The following IP6K3 variants were observed in gnomAD, a reference collection of about 807,000 sequenced individuals.
The protein encoded by IP6K3 is ATP:1D-myo-inositol-hexakisphosphate phosphotransferase.
Under a neutral mutation model 28.8 loss-of-function variants are expected in IP6K3, and 20 were observed. The ratio of observed to expected loss-of-function variants is 0.70; its 90% CI spans 0.49 to 1.01. The LOEUF is 1.01. IP6K3 is among the 50% of genes least tolerant of loss of function. IP6K3 has a pLI of 0.00. For missense variants in IP6K3, 480 were observed against 537.1 expected (o/e 0.89, Z 1.05); for synonymous variants, 213 against 221.3 (o/e 0.96, Z 0.33).
intron 1 of IP6K3, among the ~76,000 whole-genome samples, chr6:33,738,260 C>A (rs978026311): frequency 2.6e-5 from 4 of 152,074 alleles, no homozygotes; most frequent in Non-Finnish European, 5.9e-5. Context: ...ACTTGTATCC[C>A]CAGGGCTGGC....
chr6:33,747,987 CA>C (rs1171969544), upstream of IP6K3, among the ~76,000 whole-genome samples: 4 of 152,024 alleles, frequency 2.6e-5, no homozygotes, highest in Non-Finnish European at 5.9e-5. The surrounding 1 kb of genome is among the most constrained non-coding windows in gnomAD (Gnocchi z 5.2). Flanking sequence ...CAGGGTTCAT[CA>C]GGGGACAGGC....
At chr6:33,751,903 G>A (rs1767028102), upstream of IP6K3, among the ~76,000 whole-genome samples, 1 of 152,206 alleles carries the variant, frequency 6.6e-6, no homozygotes, top group African/African-American at 2.4e-5. The surrounding 1 kb of genome is among the most constrained non-coding windows in gnomAD (Gnocchi z 4.3). Flanking sequence ...GGGAGGAGAT[G>A]ACTGCCCCTG....
chr6:33,756,055 G>A, the IP6K3 span, among the ~76,000 whole-genome samples: 1 of 152,056 alleles, frequency 6.6e-6, no homozygotes, highest in Non-Finnish European at 1.5e-5. Flanking sequence ...GTAGAGACAG[G>A]GTTTTGCCAT....
At chr6:33,735,745 C>A in intron 1 of IP6K3, 90 bp from the exon 2 acceptor site, 1 of 604,060 alleles carries the variant, frequency 1.7e-6, no homozygotes, top group Non-Finnish European at 2.8e-6. Flanking sequence ...CAGCCTCGAC[C>A]CCAGAACAGG....
Position 33,722,841 on chromosome 6 carries a change from G to A in IP6K3, c.1112C>T (p.Ala371Val). ...TKVDIRMIDF[A>V]HTTYKGYWNE... ...CCAGTAGCCCTTGTATGTGGTATGAGCAAAGTCAATCATGCGGATGTCAAC... is the reference window on the plus strand; with the variant it reads ...CCAGTAGCCCTTGTATGTGGTATGAACAAAGTCAATCATGCGGATGTCAAC... The change falls in exon 6 of 6, where the codon GCT becomes GTT. Residue 371 changes from alanine (A) to valine (V), a missense_variant. Ala to Val is a moderately conservative substitution (Grantham distance 64). Transcript: ENST00000293756. 1 of 1,613,084 alleles carries A rather than the reference G, an allele frequency of 6.2e-7. No individual in the cohort carries two copies. Among genetic ancestry groups the A allele is most frequent in the South Asian group, 1.1e-5 (1 of 91,078 alleles).
upstream of IP6K3, among the ~76,000 whole-genome samples, chr6:33,750,487 C>T (rs77306957): frequency 4.6e-3 from 706 of 152,318 alleles, 8 homozygotes; most frequent in African/African-American, 0.016. This position sits in a 1 kb window ranked among gnomAD's most constrained non-coding sequence, Gnocchi z 4.3. Flanking sequence ...CCCTTTCTGA[C>T]ACAGTCCACC....
At chr6:33,749,634 G>A (rs1490845378), upstream of IP6K3, among the ~76,000 whole-genome samples, 3 of 143,700 alleles carry the variant, frequency 2.1e-5, no homozygotes, top group Non-Finnish European at 3.0e-5. Flanking sequence ...TCTGCAGGCC[G>A]TGTGTGTGTG....
rs372531307 is a variant in IP6K3 at position 33,728,320 on chromosome 6, G to A, written c.200-20C>T. Reference sequence around the variant, plus strand: ...CGGTACCTGCAAACACACAGGGAAGGGGAGGGGAGGAGCCAGTTGAGAGAG... The same window carrying A: ...CGGTACCTGCAAACACACAGGGAAGAGGAGGGGAGGAGCCAGTTGAGAGAG... On this transcript the variant is annotated intron_variant, in intron 2 of 5. Transcript: ENST00000293756. 2.9e-4 allele frequency: 469 copies of A among 1,611,880 alleles called. No homozygotes were observed. The highest frequency in any genetic ancestry group is 1.1e-3 in the South Asian group (98 of 91,042).
intron 4 of IP6K3, 60 bp downstream of exon 4, chr6:33,726,671 C>T: frequency 6.7e-7 from 1 of 1,487,302 alleles, no homozygotes; most frequent in Non-Finnish European, 9.1e-7. Context: ...ACCTCTGCCC[C>T]TCTGTGTCTC....
intron 1 of IP6K3, among the ~76,000 whole-genome samples, chr6:33,741,115 C>T (rs1001554382): frequency 1.3e-5 from 2 of 152,322 alleles, no homozygotes; most frequent in South Asian, 4.1e-4. Flanking sequence ...ATGTTCCCCC[C>T]ATTCTCTTTC....
the IP6K3 span, among the ~76,000 whole-genome samples, chr6:33,759,030 G>A: frequency 1.3e-5 from 2 of 152,238 alleles, no homozygotes; most frequent in African/African-American, 4.8e-5. Context: ...TAAGTACAGA[G>A]GCAGGATGGG....
chr6:33,734,190 C>T (rs1012953286), intron 2 of IP6K3, among the ~76,000 whole-genome samples: 8 of 120,424 alleles, frequency 6.6e-5, no homozygotes, highest in Admixed American at 4.0e-4. Context: ...GCAACAAGAC[C>T]GAAACTCCGT....
chr6:33,727,341 G>A (rs1329356008), intron 3 of IP6K3, among the ~76,000 whole-genome samples: 2 of 152,202 alleles, frequency 1.3e-5, no homozygotes, highest in African/African-American at 2.4e-5. Flanking sequence ...TGGGGTGGGA[G>A]CTGTGGTGAG....
intron 4 of IP6K3, among the ~76,000 whole-genome samples, chr6:33,726,204 G>A (rs1340585562): frequency 6.6e-6 from 1 of 152,192 alleles, no homozygotes; most frequent in African/African-American, 2.4e-5. Flanking sequence ...AAACTCTGTA[G>A]GGGAGGGGGA....
intron 1 of IP6K3, among the ~76,000 whole-genome samples, chr6:33,740,196 T>C (rs1056176701): frequency 3.3e-5 from 5 of 152,028 alleles, no homozygotes; most frequent in African/African-American, 1.2e-4. Context: ...TGGGGAGGCA[T>C]AGGGGGAGTA....
intron 2 of IP6K3, among the ~76,000 whole-genome samples, chr6:33,732,865 C>T (rs974973893): frequency 6.6e-6 from 1 of 152,242 alleles, no homozygotes; most frequent in Non-Finnish European, 1.5e-5. Context: ...TTCCCATCTA[C>T]GAGCAGACCT....
At position 33,735,204 on chromosome 6, in the gene IP6K3, C is replaced by T. The variant is rs973077301; in HGVS notation, c.199+74G>A. ...TACACACACCCACACCACAGGAGGA[C>T]GTGGTGGGTGCATTGGATGAGCCGG... On this transcript the variant is annotated intron_variant, in intron 2 of 5. Transcript: ENST00000293756. 44 of 1,252,518 alleles carry T rather than the reference C, an allele frequency of 3.5e-5. No individual in the cohort carries two copies. The African/African-American group carries it at 4.3e-4, about 12-fold the overall frequency. The allele number at this position is 1,252,518 out of a possible 1,614,324, so 77.6% of individuals were successfully genotyped here.
At chr6:33,750,165 T>TA (rs1461034725), upstream of IP6K3, among the ~76,000 whole-genome samples, 4 of 152,218 alleles carry the variant, frequency 2.6e-5, no homozygotes, top group Non-Finnish European at 4.4e-5. The surrounding 1 kb of genome is among the most constrained non-coding windows in gnomAD (Gnocchi z 4.3). Flanking sequence ...TCTCCATCTC[T>TA]ATGGCCCTGG....
At chr6:33,751,294 G>A (rs1767017916), upstream of IP6K3, among the ~76,000 whole-genome samples, 1 of 152,216 alleles carries the variant, frequency 6.6e-6, no homozygotes, top group South Asian at 2.1e-4. This position sits in a 1 kb window ranked among gnomAD's most constrained non-coding sequence, Gnocchi z 4.3. Flanking sequence ...CTCCCCAACA[G>A]CTGAAGATAC....
Sources: allele counts gnomAD v4.1 joint callset (sites outside exome capture counted in the v4.1 genomes callset), GRCh38; gene constraint gnomAD v4.1.1; non-coding constraint Gnocchi (gnomAD v3.1); transcripts MANE v1.5; gene names NCBI Gene and HGNC (gene_info 2026-07-23, HGNC 2026-07-21).